AQR: variants seen among roughly 807,000 people sequenced by gnomAD.
AQR encodes RNA helicase aquarius.
In AQR, 61 loss-of-function variants were observed where a neutral mutation model predicts 180.5. The ratio of observed to expected loss-of-function variants is 0.34; its 90% CI spans 0.28 to 0.42. The LOEUF (loss-of-function observed/expected upper bound fraction) is 0.42, where lower values mean the gene tolerates loss of function less well. AQR is among the 10% of genes least tolerant of loss of function. The probability of loss-of-function intolerance (pLI) is 1.00; values close to 1 mark genes in which losing one functional copy is unlikely to be tolerated. For missense variants in AQR, 1,281 were observed against 1,798.3 expected, an observed-to-expected ratio of 0.71 and a Z score of 5.20; for synonymous variants, 551 against 588.8, an observed-to-expected ratio of 0.94 and a Z score of 0.93.
chr15:34,947,552 TA>T (rs201313827), intron 5 of AQR, among the ~76,000 whole-genome samples: 2,326 of 145,404 alleles, frequency 0.016, 58 homozygotes, highest in African/African-American at 0.055. Context: ...TAAATAAAAA[TA>T]AAAATAAGAC....
At chr15:34,906,154 T>C (rs1188434412) in intron 18 of AQR, among the ~76,000 whole-genome samples, 1 of 152,056 alleles carries the variant, frequency 6.6e-6, no homozygotes, top group Non-Finnish European at 1.5e-5. Context: ...CCGAGGCAAG[T>C]GGAGTGCTTG....
At chr15:34,901,649 A>G (rs1419239216) in intron 19 of AQR, among the ~76,000 whole-genome samples, 1 of 152,200 alleles carries the variant, frequency 6.6e-6, no homozygotes, top group African/African-American at 2.4e-5. Context: ...CTGTTATACA[A>G]CTTTTGAAAA....
intron 14 of AQR, among the ~76,000 whole-genome samples, chr15:34,919,743 C>A (rs1215089370): frequency 6.6e-6 from 1 of 151,892 alleles, no homozygotes; most frequent in Admixed American, 6.6e-5. Context: ...ACTCAAAATA[C>A]AAAAATTAGC....
Position 34,920,191 on chromosome 15 carries a change from TAATAC to T in AQR, c.1221+136_1221+140del. 3 of 596,496 alleles carry T rather than the reference TAATAC, an allele frequency of 5.0e-6. No homozygotes were observed. The South Asian group carries it at 6.8e-5, about 14-fold the overall frequency. 37.0% of individuals were successfully genotyped at this position (596,496 alleles called of 1,614,324 possible). A position where few individuals can be genotyped will look rare whatever the true frequency, so the allele number is the denominator to read the frequency against. On this transcript the variant is annotated intron_variant, in intron 14 of 34. Transcript: ENST00000156471. ...GATGAGAAAACAAAAAATCAAATGA[TAATAC>T]AATTCCAAAAACAAAATGGGAATTA... is the stretch of plus-strand genomic sequence containing the variant.
At chr15:34,867,984 A>G (rs1227544792) in intron 31 of AQR, 1 of 183,472 alleles carries the variant, frequency 5.5e-6, no homozygotes, top group Non-Finnish European at 1.1e-5. Context: ...ATGCTTATTT[A>G]TTACTTAACG....
chr15:34,936,760 G>C (rs1379613828), intron 9 of AQR, among the ~76,000 whole-genome samples: 1 of 151,446 alleles, frequency 6.6e-6, no homozygotes, highest in Non-Finnish European at 1.5e-5. Context: ...ATAAACAATA[G>C]CGGCAACAGC....
chr15:34,858,542 C>G (rs916345900), intron 34 of AQR, among the ~76,000 whole-genome samples: 3 of 152,066 alleles, frequency 2.0e-5, no homozygotes, highest in Non-Finnish European at 4.4e-5. Flanking sequence ...TCAAAATATC[C>G]TTTTAAAAAC....
intron 23 of AQR, among the ~76,000 whole-genome samples, chr15:34,892,167 T>G (rs1893158303): frequency 6.6e-6 from 1 of 152,180 alleles, no homozygotes; most frequent in African/African-American, 2.4e-5. Flanking sequence ...CAGGATGTTC[T>G]CAGAGTTGCC....
chr15:34,943,719 A>G (rs990239047), intron 6 of AQR, among the ~76,000 whole-genome samples: 4 of 152,212 alleles, frequency 2.6e-5, no homozygotes, highest in Admixed American at 2.0e-4. Flanking sequence ...ACCACACAGG[A>G]AAGCTCAAAT....
intron 33 of AQR, 94 bp from the exon 34 acceptor site, chr15:34,860,249 G>C: frequency 3.8e-6 from 2 of 520,746 alleles, no homozygotes; most frequent in Non-Finnish European, 6.3e-6. Flanking sequence ...TTATGAATAA[G>C]CACAATTAGG....
At chr15:34,921,433 CAAAAAA>C (rs71119990) in intron 13 of AQR, among the ~76,000 whole-genome samples, 2 of 74,918 alleles carry the variant, frequency 2.7e-5, no homozygotes, top group African/African-American at 4.4e-5. Context: ...GACTCCATCT[CAAAAAA>C]AAAAAAAAAA....
chr15:34,921,764 A>C (rs1296659191), intron 13 of AQR, among the ~76,000 whole-genome samples: 3 of 152,136 alleles, frequency 2.0e-5, no homozygotes, highest in Non-Finnish European at 4.4e-5. Context: ...TTGTAATTTT[A>C]TCTTTTCCAG....
intron 27 of AQR, among the ~76,000 whole-genome samples, chr15:34,881,875 G>A (rs1019691759): frequency 5.3e-5 from 8 of 151,986 alleles, no homozygotes; most frequent in East Asian, 1.9e-4. Flanking sequence ...GCACAATCTC[G>A]GCTCACTGCA....
chr15:34,857,750 C>CAAGAAA (rs1050857982), intron 34 of AQR, among the ~76,000 whole-genome samples: 1 of 150,916 alleles, frequency 6.6e-6, no homozygotes, highest in Non-Finnish European at 1.5e-5. Context: ...GATTCTGTCT[C>CAAGAAA]AAGAAAAAGA....
At chr15:34,966,539 T>C (rs2050310441) in intron 1 of AQR, among the ~76,000 whole-genome samples, 3 of 152,218 alleles carry the variant, frequency 2.0e-5, no homozygotes, top group Non-Finnish European at 4.4e-5. Flanking sequence ...ATTTCTCACA[T>C]TAAACTACAG....
intron 3 of AQR, among the ~76,000 whole-genome samples, chr15:34,956,274 G>C (rs1454411654): frequency 9.2e-5 from 14 of 152,122 alleles, no homozygotes; most frequent in Admixed American, 9.2e-4. Flanking sequence ...AAACCACTTA[G>C]TTGGTTCATA....
intron 1 of AQR, among the ~76,000 whole-genome samples, chr15:34,965,473 C>T (rs2050305514): frequency 6.6e-6 from 1 of 152,130 alleles, no homozygotes; most frequent in South Asian, 2.1e-4. Context: ...GAGTTCAAGA[C>T]CAGCCTGGCC....
rs770303267 is a variant in AQR, at chr15:34,884,712, T to C, written c.2840A>G (p.Tyr947Cys). ...ACCTTTATTTTTCACTTTGCTGATA[T>C]ACTCTTCCCAGCGAGACATTACCTG... ...LYQVMSRWEE[Y>C]ISKVKNKGST... The change falls in exon 26 of 35, where the codon TAT becomes TGT. Residue 947 changes from tyrosine (Y) to cysteine (C), a missense_variant. Physicochemically the swap from Tyr to Cys is radical, Grantham distance 194 (BLOSUM62 -2). Transcript: ENST00000156471. 7 of 1,603,398 alleles carry C rather than the reference T, an allele frequency of 4.4e-6. No homozygotes were observed. The highest frequency in any genetic ancestry group is 1.7e-5 in the Admixed American group (1 of 57,274).
intron 27 of AQR, among the ~76,000 whole-genome samples, chr15:34,877,132 G>A (rs1238799787): frequency 6.6e-6 from 1 of 152,144 alleles, no homozygotes; most frequent in Non-Finnish European, 1.5e-5. Flanking sequence ...TCTAAAACAT[G>A]AGAAAATTTC....
Sources: gnomAD v4.1 joint callset for allele counts (sites outside exome capture counted in the v4.1 genomes callset) on GRCh38, gnomAD v4.1.1 for gene constraint, MANE v1.5 for transcripts, NCBI Gene and HGNC (gene_info 2026-07-23, HGNC 2026-07-21) for gene names.